CHD9: variants seen among roughly 807,000 people sequenced by gnomAD.
CHD9 encodes the protein chromodomain helicase DNA binding protein 9, also known as ATP-dependent chromatin remodeler CHD9.
CHD9 carries 77 observed loss-of-function variants against 316.1 expected under a neutral mutation model. The ratio of observed to expected loss-of-function variants is 0.24; its 90% CI spans 0.20 to 0.29. The LOEUF (loss-of-function observed/expected upper bound fraction) is 0.29, where lower values mean the gene tolerates loss of function less well. Ranked by LOEUF, CHD9 falls within the 10% of genes least tolerant of loss-of-function variation. The probability of loss-of-function intolerance (pLI) is 1.00; values close to 1 mark genes in which losing one functional copy is unlikely to be tolerated. For synonymous variants in CHD9, 1,129 were observed against 1,158.3 expected, an observed-to-expected ratio of 0.97 and a Z score of 0.51; for missense variants, 2,763 against 3,438.1, an observed-to-expected ratio of 0.80 and a Z score of 4.91.
chr16:53,093,788 G>C (rs1049155406), intron 1 of CHD9, among the ~76,000 whole-genome samples: 9 of 152,134 alleles, frequency 5.9e-5, no homozygotes, highest in African/African-American at 2.2e-4. Context: ...GGTCCTCCTG[G>C]CTCGTTTCTG....
intron 1 of CHD9, among the ~76,000 whole-genome samples, chr16:53,084,072 T>G (rs957612567): frequency 1.3e-5 from 2 of 152,036 alleles, no homozygotes; most frequent in African/African-American, 4.8e-5. Flanking sequence ...TTGAATTTTT[T>G]TGTAGAGGTG....
At chr16:53,119,359 A>G (rs984909595) in intron 1 of CHD9, among the ~76,000 whole-genome samples, 1 of 147,536 alleles carries the variant, frequency 6.8e-6, no homozygotes, top group Admixed American at 6.8e-5. Context: ...TTGCAAAGAA[A>G]ACTCACTGTT....
intron 1 of CHD9, among the ~76,000 whole-genome samples, chr16:53,124,106 G>A (rs1406272031): frequency 6.6e-6 from 1 of 152,044 alleles, no homozygotes; most frequent in African/African-American, 2.4e-5. Context: ...ATTTCTCTTG[G>A]GTTGCTGGGT....
At chr16:53,092,156 G>A (rs537138783) in intron 1 of CHD9, among the ~76,000 whole-genome samples, 1 of 152,306 alleles carries the variant, frequency 6.6e-6, no homozygotes, top group South Asian at 2.1e-4. Flanking sequence ...TCATACCCTG[G>A]GAAGGCTGGG....
At chr16:53,146,874 A>G (rs1000368719) in intron 1 of CHD9, among the ~76,000 whole-genome samples, 1 of 151,802 alleles carries the variant, frequency 6.6e-6, no homozygotes, top group African/African-American at 2.4e-5. Flanking sequence ...TTAATGGGCC[A>G]TAAACTCAAT....
intron 2 of CHD9, among the ~76,000 whole-genome samples, chr16:53,171,830 CCACACACACACACA>C (rs71380026): frequency 0.018 from 2,489 of 135,624 alleles, 37 homozygotes; most frequent in Middle Eastern, 0.045. Context: ...ACAAACAAAA[CCACACACACACACA>C]CACACACACA....
intron 2 of CHD9, among the ~76,000 whole-genome samples, chr16:53,197,001 T>TC (rs2152838917): frequency 1.3e-5 from 2 of 152,326 alleles, no homozygotes; most frequent in Admixed American, 1.3e-4. Flanking sequence ...TCCCAGAATT[T>TC]CAGAGAGAAT....
chr16:53,186,621 G>A (rs965777672), intron 2 of CHD9, among the ~76,000 whole-genome samples: 11 of 152,174 alleles, frequency 7.2e-5, no homozygotes, highest in African/African-American at 2.7e-4. Context: ...ATATGGTTGG[G>A]CTGTTTCCCC....
intron 16 of CHD9, among the ~76,000 whole-genome samples, chr16:53,249,380 A>C (rs1303166850): frequency 6.6e-6 from 1 of 152,192 alleles, no homozygotes; most frequent in Non-Finnish European, 1.5e-5. Flanking sequence ...GTTAAAAGAT[A>C]ATCACTTTGC....
chr16:53,168,096 C>G (rs746203292), intron 2 of CHD9, among the ~76,000 whole-genome samples: 1 of 151,800 alleles, frequency 6.6e-6, no homozygotes, highest in African/African-American at 2.4e-5. Context: ...GAGTCTTGCT[C>G]CGTCTCCTAG....
At position 53,130,412 on chromosome 16, in the gene CHD9, C is replaced by T. The variant is rs1022706529; in HGVS notation, c.-164-25514C>T. On this transcript the variant is annotated intron_variant, in intron 1 of 38. Coordinates refer to ENST00000447540, the MANE Select transcript of CHD9 (RefSeq NM_001308319.2). ...GCCCTGCATGTGAGTGACCTCTGCG[C>T]CGACCCCGCCACTGGTCAGCTCGCG... 1.3e-4 allele frequency among the ~76,000 whole-genome samples: 19 copies of T among 151,380 alleles called. No homozygotes were observed. The East Asian group carries it at 3.5e-3, about 28-fold the overall frequency.
chr16:53,083,252 A>T (rs2152538696), intron 1 of CHD9, among the ~76,000 whole-genome samples: 1 of 152,276 alleles, frequency 6.6e-6, no homozygotes, highest in East Asian at 1.9e-4. Flanking sequence ...TAAGGATGCA[A>T]ACACACCCCC....
intron 29 of CHD9, among the ~76,000 whole-genome samples, chr16:53,294,761 G>A (rs1051720264): frequency 2.6e-5 from 4 of 152,182 alleles, no homozygotes; most frequent in Admixed American, 1.3e-4. Context: ...GATTCTACCC[G>A]TTAATGGAAA....
chr16:53,299,670 C>CA (rs1460963707), intron 30 of CHD9: 5 of 348,596 alleles, frequency 1.4e-5, no homozygotes, highest in Non-Finnish European at 2.7e-5. Context: ...CGAGGGCCTC[C>CA]ATGGCCAGTT....
rs1277213426 is a variant in CHD9, at chr16:53,314,818, TACAGG to T, written c.7363-4_7363del. 6.3e-7 allele frequency: 1 copy of T among 1,585,656 alleles called. No homozygotes were observed. Among genetic ancestry groups the T allele is most frequent in the Admixed American group, 1.8e-5 (1 of 56,126 alleles). ...ATAAAGATACCATTTGGTGTTTTTT[TACAGG>T]TTTCTTTAGGCTTAACCTCCTCACA... On this transcript the variant is annotated splice_acceptor_variant and splice_polypyrimidine_tract_variant and coding_sequence_variant and intron_variant, in exon 36 of 39. Transcript: ENST00000447540. LOFTEE classifies it high-confidence loss of function.
In CHD9 at chr16:53,254,418, G is replaced by T. The variant is rs755131038; in HGVS notation, c.3862-20G>T. ...GCCTTTTGAGAAACTAATTAAATATGTAACTTTTCATTTTTATAGGCCCAA... is the reference window on the plus strand; with the variant it reads ...GCCTTTTGAGAAACTAATTAAATATTTAACTTTTCATTTTTATAGGCCCAA... On this transcript the variant is annotated intron_variant, in intron 17 of 38. Transcript: ENST00000447540. 1 of 1,517,032 alleles carries T rather than the reference G, an allele frequency of 6.6e-7. No homozygotes were observed. The allele number at this position is 1,517,032 out of a possible 1,614,324, so 94.0% of individuals were successfully genotyped here.
At chr16:53,066,581 C>T (rs1331735916) in intron 1 of CHD9, among the ~76,000 whole-genome samples, 1 of 152,148 alleles carries the variant, frequency 6.6e-6, no homozygotes, top group African/African-American at 2.4e-5. Flanking sequence ...ACAGGGGAAA[C>T]CCAGCTCTTG....
At chr16:53,170,724 A>G (rs939301161) in intron 2 of CHD9, among the ~76,000 whole-genome samples, 1 of 151,914 alleles carries the variant, frequency 6.6e-6, no homozygotes, top group East Asian at 1.9e-4. Context: ...TTAGTATTTT[A>G]TTTAAGTTAA....
At chr16:53,125,413 G>T (rs7187110) in intron 1 of CHD9, among the ~76,000 whole-genome samples, 5,025 of 151,816 alleles carry the variant, frequency 0.033, 292 homozygotes, top group African/African-American at 0.11. Flanking sequence ...TAGTAGCAAT[G>T]GGGTTGGCCA....
Sources: allele counts gnomAD v4.1 joint callset (sites outside exome capture counted in the v4.1 genomes callset), GRCh38; gene constraint gnomAD v4.1.1; transcripts MANE v1.5; gene names NCBI Gene and HGNC (gene_info 2026-07-23, HGNC 2026-07-21).